Variants in NRG3 observed in about 807,000 individuals in gnomAD.
NRG3 encodes neuregulin 3.
NRG3 carries 31 observed loss-of-function variants against 66.9 expected under a neutral mutation model. The observed-to-expected ratio is 0.46, with a 90% CI of 0.35 to 0.63. The LOEUF (loss-of-function observed/expected upper bound fraction) is 0.63. NRG3 is among the 20% of genes least tolerant of loss of function. The pLI, the probability that NRG3 is intolerant of heterozygous loss-of-function variation, is 0.00. For synonymous variants in NRG3, 393 were observed against 359.4 expected (o/e 1.09, Z -1.06); for missense variants, 910 against 878.9 (o/e 1.04, Z -0.45).
intron 1 of NRG3, among the ~76,000 whole-genome samples, chr10:82,043,596 C>G (rs994234196): frequency 5.9e-5 from 9 of 151,886 alleles, no homozygotes; most frequent in Admixed American, 5.9e-4. Context: ...AGTATTTTTG[C>G]ACACTGGAGA....
intron 3 of NRG3, among the ~76,000 whole-genome samples, chr10:82,820,066 G>A (rs535143593): frequency 2.0e-5 from 3 of 152,134 alleles, no homozygotes; most frequent in African/African-American, 4.8e-5. Flanking sequence ...GATGGTTTCC[G>A]AGAGCAACAA....
chr10:82,770,946 A>G (rs1254309131), intron 3 of NRG3, among the ~76,000 whole-genome samples: 1 of 152,190 alleles, frequency 6.6e-6, no homozygotes, highest in Non-Finnish European at 1.5e-5. Flanking sequence ...GTATCAAGTG[A>G]GCCTCTGGCA....
chr10:82,759,818 G>T (rs2059230161), intron 3 of NRG3, among the ~76,000 whole-genome samples: 1 of 152,016 alleles, frequency 6.6e-6, no homozygotes, highest in South Asian at 2.1e-4. Context: ...TCAAAAAATT[G>T]AAATCCATTA....
At chr10:82,692,218 C>T (rs573565484) in intron 2 of NRG3, among the ~76,000 whole-genome samples, 1 of 149,266 alleles carries the variant, frequency 6.7e-6, no homozygotes, top group Non-Finnish European at 1.5e-5. Context: ...GCATCACTCA[C>T]TCCAGCCTGG....
intron 2 of NRG3, among the ~76,000 whole-genome samples, chr10:82,512,005 G>A (rs1384886215): frequency 6.6e-6 from 1 of 152,018 alleles, no homozygotes; most frequent in Non-Finnish European, 1.5e-5. Context: ...ACCAGAAAAA[G>A]CACACCTCTT....
At chr10:82,602,289 A>G (rs770492845) in intron 2 of NRG3, among the ~76,000 whole-genome samples, 7 of 152,026 alleles carry the variant, frequency 4.6e-5, no homozygotes, top group Non-Finnish European at 7.4e-5. Flanking sequence ...TGCATTCTTG[A>G]TATCATGTTC....
chr10:82,056,595 C>T (rs1338174422), intron 1 of NRG3, among the ~76,000 whole-genome samples: 1 of 152,130 alleles, frequency 6.6e-6, no homozygotes, highest in African/African-American at 2.4e-5. Context: ...GACACAGAGC[C>T]AGGAACTACA....
chr10:82,256,191 G>A (rs113934452), intron 1 of NRG3, among the ~76,000 whole-genome samples: 1 of 152,138 alleles, frequency 6.6e-6, no homozygotes, highest in African/African-American at 2.4e-5. Flanking sequence ...TAAAGTGCTG[G>A]GATTACAGGC....
At chr10:82,138,267 G>T (rs2132606016) in intron 1 of NRG3, among the ~76,000 whole-genome samples, 1 of 151,974 alleles carries the variant, frequency 6.6e-6, no homozygotes, top group South Asian at 2.1e-4. Context: ...TTTTTCCTGG[G>T]GGAAAAATAT....
intron 2 of NRG3, among the ~76,000 whole-genome samples, chr10:82,539,554 C>T (rs1460114841): frequency 6.6e-6 from 1 of 152,068 alleles, no homozygotes; most frequent in African/African-American, 2.4e-5. Context: ...CAAAAATTGC[C>T]TCTGTAATTA....
chr10:82,480,698 T>G (rs1162301049), intron 2 of NRG3, among the ~76,000 whole-genome samples: 1 of 152,222 alleles, frequency 6.6e-6, no homozygotes, highest in African/African-American at 2.4e-5. Flanking sequence ...GCATGGCACA[T>G]GCTTATTCTC....
At chr10:82,904,726 A>G (rs1263413426) in intron 4 of NRG3, among the ~76,000 whole-genome samples, 1 of 152,256 alleles carries the variant, frequency 6.6e-6, no homozygotes, top group African/African-American at 2.4e-5. Flanking sequence ...ATATACATGA[A>G]CAAAAATATT....
At chr10:82,675,846 A>C (rs960920925) in intron 2 of NRG3, among the ~76,000 whole-genome samples, 1 of 152,200 alleles carries the variant, frequency 6.6e-6, no homozygotes, top group African/African-American at 2.4e-5. Flanking sequence ...CTAGTACTCT[A>C]TCTGGGATGT....
intron 1 of NRG3, among the ~76,000 whole-genome samples, chr10:82,015,025 T>C (rs2061725812): frequency 6.6e-6 from 1 of 152,150 alleles, no homozygotes; most frequent in Non-Finnish European, 1.5e-5. Context: ...AATGTAGGAA[T>C]TTGTATGCTT....
At chr10:82,631,823 C>T (rs2049860037) in intron 2 of NRG3, among the ~76,000 whole-genome samples, 1 of 151,986 alleles carries the variant, frequency 6.6e-6, no homozygotes, top group African/African-American at 2.4e-5. Context: ...CACCCATGGC[C>T]AGGTGTGGTG....
chr10:82,778,752 C>T (rs1366026127), intron 3 of NRG3, among the ~76,000 whole-genome samples: 1 of 151,938 alleles, frequency 6.6e-6, no homozygotes, highest in African/African-American at 2.4e-5. Context: ...ACCACATGGG[C>T]TCAGGCACTG....
rs184975408 is a variant in NRG3, at chr10:82,306,849, C to T, written c.824-51890C>T. 1.0e-3 allele frequency among the ~76,000 whole-genome samples: 154 copies of T among 151,128 alleles called. 1 individual carries two copies. The highest frequency in any genetic ancestry group is 1.7e-3 in the Non-Finnish European group (115 of 67,902). On this transcript the variant is annotated intron_variant, in intron 1 of 8. Transcript: ENST00000372141. Reference sequence around the variant, plus strand: ...TTGTCTGTTTAGATTTTGAATCTTCCCTTAGTGAGTTTTGGTAAATTGTGT... The same window carrying T: ...TTGTCTGTTTAGATTTTGAATCTTCTCTTAGTGAGTTTTGGTAAATTGTGT...
chr10:82,005,468 A>G (rs2207781), intron 1 of NRG3, among the ~76,000 whole-genome samples: 113,022 of 152,064 alleles, frequency 0.74, 42,241 homozygotes, highest in Admixed American at 0.81. Flanking sequence ...CGTGCATGAA[A>G]AGAAGACAGC....
At chr10:82,553,460 A>G (rs1405659519) in intron 2 of NRG3, among the ~76,000 whole-genome samples, 2 of 152,124 alleles carry the variant, frequency 1.3e-5, no homozygotes, top group East Asian at 1.9e-4. Flanking sequence ...ATCATTGTGT[A>G]CCCCTGAGTT....
Sources: allele counts gnomAD v4.1 joint callset (sites outside exome capture counted in the v4.1 genomes callset), GRCh38; gene constraint gnomAD v4.1.1; transcripts MANE v1.5; gene names NCBI Gene and HGNC (gene_info 2026-07-23, HGNC 2026-07-21).